PELI2: variants seen among roughly 807,000 people sequenced by gnomAD.
The protein encoded by PELI2 is pellino E3 ubiquitin protein ligase family member 2, also known as E3 ubiquitin-protein ligase pellino homolog 2.
In PELI2, 23 loss-of-function variants were observed where a neutral mutation model predicts 42.3. That is an observed-to-expected ratio of 0.54 (90% CI 0.39 to 0.77). PELI2 has a LOEUF of 0.77. Among genes scored for constraint, PELI2 ranks in the 30% least tolerant of loss-of-function variants. The pLI is 0.00. For missense variants in PELI2, 463 were observed against 553.2 expected (o/e 0.84, Z 1.64); for synonymous variants, 245 against 212.2 (o/e 1.15, Z -1.34).
chr14:56,178,388 C>T lies in PELI2; in HGVS notation c.131C>T (p.Ala44Val), dbSNP rs1327165685. The change falls in exon 2 of 6, where the codon GCC becomes GTC. Residue 44 changes from alanine to valine, a missense_variant. Transcript: ENST00000267460. ...AGAGGACGGAGGAAAAGTAGATTTG[C>T]CCTCTACAAGCGGCCCAAGGCAAAT... Reference protein sequence around the residue: ...GDRGRRKSRFALYKRPKANGV... With the variant: ...GDRGRRKSRFVLYKRPKANGV... The T allele has an allele frequency of 1.3e-5, 21 of 1,613,732 alleles. No individual in the cohort carries two copies. Among genetic ancestry groups the T allele is most frequent in the Non-Finnish European group, 1.8e-5 (21 of 1,179,758 alleles).
intron 2 of PELI2, among the ~76,000 whole-genome samples, chr14:56,242,816 C>T (rs141652419): frequency 1.3e-5 from 2 of 152,218 alleles, no homozygotes; most frequent in African/African-American, 4.8e-5. Context: ...GACCCAAATG[C>T]ATATGAAGGA....
chr14:56,138,274 A>C (rs979228242), intron 1 of PELI2, among the ~76,000 whole-genome samples: 1 of 152,054 alleles, frequency 6.6e-6, no homozygotes, highest in Admixed American at 6.5e-5. Context: ...TTGTACATGT[A>C]TTTGGCAAAA....
intron 2 of PELI2, among the ~76,000 whole-genome samples, chr14:56,228,996 A>C (rs564298530): frequency 6.6e-6 from 1 of 152,224 alleles, no homozygotes; most frequent in African/African-American, 2.4e-5. Flanking sequence ...AGCCTTGCTC[A>C]TTGCTAGCAC....
chr14:56,240,947 A>G (rs942664009), intron 2 of PELI2, among the ~76,000 whole-genome samples: 27 of 152,176 alleles, frequency 1.8e-4, no homozygotes, highest in African/African-American at 6.5e-4. Flanking sequence ...CATTATCTTT[A>G]TACATATTTC....
chr14:56,222,313 CA>C (rs1226693956), intron 2 of PELI2, among the ~76,000 whole-genome samples: 6 of 152,138 alleles, frequency 3.9e-5, no homozygotes, highest in Admixed American at 2.0e-4. Context: ...GGATGTAGAT[CA>C]GAAGTGGGAA....
Position 56,118,617 on chromosome 14 carries a change from A to AGGCGGC in PELI2, c.-39_-34dup. 1 of 1,234,076 alleles carries AGGCGGC rather than the reference A, an allele frequency of 8.1e-7. No individual in the cohort carries two copies. Among genetic ancestry groups the AGGCGGC allele is most frequent in the Non-Finnish European group, 1.1e-6 (1 of 945,400 alleles). The allele number at this position is 1,234,076 out of a possible 1,614,324, so 76.4% of individuals were successfully genotyped here. A position where few individuals can be genotyped will look rare whatever the true frequency, so the allele number is the denominator to read the frequency against. On this transcript the variant is annotated 5_prime_UTR_variant, in exon 1 of 6. Coordinates refer to ENST00000267460, the MANE Select transcript of PELI2 (RefSeq NM_021255.3). Reference sequence around the variant, plus strand: ...GCGGACTCGGCGGGGATCGCGGCGGAGGCGGCGGCGTCGGCGGCGGCGTCG... The same window carrying AGGCGGC: ...GCGGACTCGGCGGGGATCGCGGCGGAGGCGGCGGCGGCGGCGTCGGCGGCGGCGTCG...
intron 1 of PELI2, among the ~76,000 whole-genome samples, chr14:56,132,149 C>T (rs928586926): frequency 1.3e-5 from 2 of 152,130 alleles, no homozygotes; most frequent in African/African-American, 4.8e-5. Context: ...AGATGCCATC[C>T]CATTGAACAA....
chr14:56,195,325 A>G (rs553173101), intron 2 of PELI2, among the ~76,000 whole-genome samples: 17 of 152,130 alleles, frequency 1.1e-4, no homozygotes, highest in Admixed American at 4.6e-4. Flanking sequence ...CCATTTTGCC[A>G]TTCTCATTTT....
At chr14:56,253,988 A>AAAACAGATACATAGACCAATG (rs1308461821) in intron 2 of PELI2, among the ~76,000 whole-genome samples, 3 of 152,262 alleles carry the variant, frequency 2.0e-5, no homozygotes. Flanking sequence ...TACTGGTACC[A>AAAACAGATACATAGACCAATG]AAACAGATAC....
At position 56,204,473 on chromosome 14, in the gene PELI2, A is replaced by G. The variant is rs192906063; in HGVS notation, c.207+26009A>G. ...GATAATGTGAATTTGGAGGAGGACC[A>G]TGGTCTTTTTCTTGGAGGGAGTAGA... is the stretch of plus-strand genomic sequence containing the variant. On this transcript the variant is annotated intron_variant, in intron 2 of 5. Transcript: ENST00000267460. 2.9e-4 allele frequency among the ~76,000 whole-genome samples: 44 copies of G among 152,250 alleles called. No homozygotes were observed. In the South Asian group the frequency reaches 5.8e-3, roughly 20 times the overall value.
chr14:56,194,048 A>T (rs952558880), intron 2 of PELI2, among the ~76,000 whole-genome samples: 6 of 152,166 alleles, frequency 3.9e-5, no homozygotes, highest in African/African-American at 1.4e-4. Flanking sequence ...CAAGTCTTTT[A>T]CAACGTTGTT....
At chr14:56,127,516 C>G (rs1007565945) in intron 1 of PELI2, among the ~76,000 whole-genome samples, 5 of 152,196 alleles carry the variant, frequency 3.3e-5, no homozygotes, top group African/African-American at 1.2e-4. Context: ...TCCTCCACAC[C>G]ATGGAGAACA....
chr14:56,196,402 G>A (rs1380346906), intron 2 of PELI2, among the ~76,000 whole-genome samples: 1 of 152,168 alleles, frequency 6.6e-6, no homozygotes, highest in Non-Finnish European at 1.5e-5. Context: ...TTGATATCTG[G>A]TGATGAGACA....
At chr14:56,132,207 C>T (rs889024539) in intron 1 of PELI2, among the ~76,000 whole-genome samples, 3 of 152,122 alleles carry the variant, frequency 2.0e-5, no homozygotes, top group East Asian at 3.9e-4. Flanking sequence ...TGTGACTCTG[C>T]ACAGTCAGTA....
chr14:56,273,804 A>G lies in PELI2; in HGVS notation c.208-5872A>G, dbSNP rs868753171. Among the ~76,000 whole-genome samples, 2 of 152,232 alleles carry G rather than the reference A, an allele frequency of 1.3e-5. No homozygotes were observed. Among genetic ancestry groups the G allele is most frequent in the South Asian group, 4.1e-4 (2 of 4,830 alleles). On this transcript the variant is annotated intron_variant, in intron 2 of 5. Transcript: ENST00000267460. The surrounding 1 kb of genome is among the most constrained non-coding windows in gnomAD (Gnocchi z 4.3). ...AATGTTTGAACCAAACCATGTAATG[A>G]TGCTGTACACTGCAAGTGACAAAAT...
rs753583423 is a variant in PELI2, at chr14:56,297,067, T to A, written c.1164T>A (p.His388Gln). 6.2e-7 allele frequency: 1 copy of A among 1,612,922 alleles called. No individual in the cohort carries two copies. The highest frequency in any genetic ancestry group is 8.5e-7 in the Non-Finnish European group (1 of 1,179,944). ...AKYWSQIPLP[H>Q]GTHAFHAACP... is the part of the protein sequence containing the mutation. ...ACTGGTCTCAGATCCCGTTGCCTCA[T>A]GGAACTCATGCATTTCACGCTGCTT... is the stretch of plus-strand genomic sequence containing the variant. Residue 388 changes from histidine (H) to glutamine (Q), a missense_variant, in exon 6 of 6, where the codon CAT (histidine) becomes CAA (glutamine). His to Gln is a conservative substitution (Grantham distance 24). Transcript: ENST00000267460.
intron 2 of PELI2, among the ~76,000 whole-genome samples, chr14:56,192,401 C>T (rs148861056): frequency 2.0e-5 from 3 of 152,304 alleles, no homozygotes; most frequent in East Asian, 3.9e-4. Context: ...AACCTCAGCA[C>T]CATTGGCAGT....
intron 2 of PELI2, among the ~76,000 whole-genome samples, chr14:56,259,776 T>G (rs1888650881): frequency 6.6e-6 from 1 of 152,140 alleles, no homozygotes; most frequent in Non-Finnish European, 1.5e-5. Flanking sequence ...GTAAGTACAT[T>G]TAGTGGACTT....
chr14:56,260,455 G>T (rs571297977), intron 2 of PELI2, among the ~76,000 whole-genome samples: 3 of 152,238 alleles, frequency 2.0e-5, no homozygotes, highest in African/African-American at 7.2e-5. Context: ...CCTATCAATG[G>T]TTCCTGGGGG....
Sources: gnomAD v4.1 joint callset for allele counts (sites outside exome capture counted in the v4.1 genomes callset) on GRCh38, gnomAD v4.1.1 for gene constraint, Gnocchi (gnomAD v3.1) non-coding constraint, MANE v1.5 for transcripts, NCBI Gene and HGNC (gene_info 2026-07-23, HGNC 2026-07-21) for gene names.